The following FABP5 variants were observed in gnomAD, a reference collection of about 807,000 sequenced individuals.
FABP5 encodes fatty acid-binding protein 5.
A neutral mutation model predicts 16.9 loss-of-function variants in FABP5; 7 were observed. That is an observed-to-expected ratio of 0.41 (90% CI 0.24 to 0.78). The LOEUF (loss-of-function observed/expected upper bound fraction) is 0.78, where lower values mean the gene tolerates loss of function less well. Ranked by LOEUF, FABP5 falls within the 30% of genes least tolerant of loss-of-function variation. FABP5 has a pLI of 0.30. For synonymous variants in FABP5, 37 were observed against 52.8 expected (o/e 0.70, Z 1.30); for missense variants, 119 against 159.5 (o/e 0.75, Z 1.37).
rs1308689851 is a variant in FABP5 at position 81,281,905 on chromosome 8, T to C, written c.79+1231T>C. Among the ~76,000 whole-genome samples the C allele has an allele frequency of 6.6e-6, 1 of 152,118 alleles. No individual in the cohort carries two copies. Among genetic ancestry groups the C allele is most frequent in the East Asian group, 1.9e-4 (1 of 5,172 alleles). ...TTTATGAGGGTGCTTCAGAAGCCGG[T>C]ATCCACAAATGTTAACCCGGTTGCT... On this transcript the variant is annotated intron_variant, in intron 1 of 3. Coordinates refer to ENST00000297258, the MANE Select transcript of FABP5 (RefSeq NM_001444.3). This position sits in a 1 kb window ranked among gnomAD's most constrained non-coding sequence, Gnocchi z 4.5.
intron 3 of FABP5, 173 bp downstream of exon 3, chr8:81,284,147 G>GTGACA (rs1299018046): frequency 5.1e-6 from 3 of 588,760 alleles, no homozygotes; most frequent in Non-Finnish European, 8.9e-6. Flanking sequence ...AGATAGAGAA[G>GTGACA]TGACATGACA....
intron 1 of FABP5, among the ~76,000 whole-genome samples, chr8:81,282,533 A>G (rs1807847483): frequency 6.6e-6 from 1 of 152,206 alleles, no homozygotes; most frequent in African/African-American, 2.4e-5. Flanking sequence ...TTTGGCCTGG[A>G]TCTAAGATTC....
chr8:81,281,789 C>G lies in FABP5; in HGVS notation c.79+1115C>G, dbSNP rs970382335. On this transcript the variant is annotated intron_variant, in intron 1 of 3. Transcript: ENST00000297258. This position sits in a 1 kb window ranked among gnomAD's most constrained non-coding sequence, Gnocchi z 4.5. ...GGATAAATTGCAAACAAAAATGGAC[C>G]TTTGTCACAGGCCACTAGGAAGTGA... 4 of 542,660 alleles carry G rather than the reference C, an allele frequency of 7.4e-6. No individual in the cohort carries two copies. Among genetic ancestry groups the G allele is most frequent in the East Asian group, 1.5e-4 (1 of 6,782 alleles). 33.6% of individuals were successfully genotyped at this position (542,660 alleles called of 1,614,324 possible).
At chr8:81,283,133 C>T (rs1807860599) in intron 1 of FABP5, 1 of 377,118 alleles carries the variant, frequency 2.7e-6, no homozygotes, top group Admixed American at 4.6e-5. Context: ...GCTTTCTCAT[C>T]AGTAAAATGG....
chr8:81,280,742 G>A lies in FABP5; in HGVS notation c.79+68G>A, dbSNP rs1807813372. ...TGCGGTCGTCTGTCCCTAGGTCCCC[G>A]TCAGCGTGCCAGATTCTGGGGCAGG... On this transcript the variant is annotated intron_variant, in intron 1 of 3. Coordinates refer to ENST00000297258, the MANE Select transcript of FABP5 (RefSeq NM_001444.3). The A allele has an allele frequency of 4.9e-6, 7 of 1,418,342 alleles. No homozygotes were observed. In the South Asian group the frequency reaches 6.2e-5, roughly 13 times the overall value. The allele number at this position is 1,418,342 out of a possible 1,614,324, so 87.9% of individuals were successfully genotyped here.
intron 1 of FABP5, 32 bp from the exon 2 acceptor site, chr8:81,283,333 TC>T: frequency 6.5e-7 from 1 of 1,531,002 alleles, no homozygotes; most frequent in Non-Finnish European, 8.8e-7. Context: ...ACTTTGGTCT[TC>T]CTGTTATTTA....
In FABP5 at chr8:81,281,029, C is replaced by CT; in HGVS notation, c.79+358dup. 4.3e-6 allele frequency: 1 copy of CT among 233,180 alleles called. No homozygotes were observed. Among genetic ancestry groups the CT allele is most frequent in the South Asian group, 7.7e-5 (1 of 12,914 alleles). The allele number at this position is 233,180 out of a possible 1,614,324, so 14.4% of individuals were successfully genotyped here. A position where few individuals can be genotyped will look rare whatever the true frequency, so the allele number is the denominator to read the frequency against. ...GCACCCGTCACCTCACGCTGCACTT[C>CT]TTTCGACCCCCTCCAGGCGACCCTG... is the stretch of plus-strand genomic sequence containing the variant. On this transcript the variant is annotated intron_variant, in intron 1 of 3. Transcript: ENST00000297258. The surrounding 1 kb of genome is among the most constrained non-coding windows in gnomAD (Gnocchi z 4.5).
intron 3 of FABP5, 51 bp from the exon 4 acceptor site, chr8:81,284,463 C>G (rs899241408): frequency 1.6e-6 from 2 of 1,239,786 alleles, no homozygotes; most frequent in African/African-American, 3.0e-5. Flanking sequence ...ACCACCACTG[C>G]TCTGGAATCT....
rs763394711 is a variant in FABP5, at chr8:81,283,883, A to G, written c.263A>G (p.Asn88Ser). Residue 88 changes from asparagine (N) to serine (S), a missense_variant, in exon 3 of 4, where the codon AAC (asparagine) becomes AGC (serine). Coordinates refer to ENST00000297258, the MANE Select transcript of FABP5 (RefSeq NM_001444.3). Reference sequence around the variant, plus strand: ...ACTTTGTTTTTGCAGACTGTCTGCAACTTTACAGATGGTGCATTGGTTCAG... The same window carrying G: ...ACTTTGTTTTTGCAGACTGTCTGCAGCTTTACAGATGGTGCATTGGTTCAG... ...ADGRKTQTVC[N>S]FTDGALVQHQ... 2.5e-5 allele frequency: 41 copies of G among 1,611,702 alleles called. No individual in the cohort carries two copies. Among genetic ancestry groups the G allele is most frequent in the Non-Finnish European group, 3.4e-5 (40 of 1,178,868 alleles).
In FABP5 at chr8:81,284,294, A is replaced by G. The variant is rs926937796; in HGVS notation, c.355-220A>G. Reference sequence around the variant, plus strand: ...GAATATTTGCCATAACCAAAAGAATAAAGATATATTCAACACATTAGTTTT... The same window carrying G: ...GAATATTTGCCATAACCAAAAGAATGAAGATATATTCAACACATTAGTTTT... On this transcript the variant is annotated intron_variant, in intron 3 of 3. Coordinates refer to ENST00000297258, the MANE Select transcript of FABP5 (RefSeq NM_001444.3). 3 of 535,860 alleles carry G rather than the reference A, an allele frequency of 5.6e-6. No homozygotes were observed. The Admixed American group carries it at 1.0e-4, about 18-fold the overall frequency. The allele number at this position is 535,860 out of a possible 1,614,324, so 33.2% of individuals were successfully genotyped here. A position where few individuals can be genotyped will look rare whatever the true frequency, so the allele number is the denominator to read the frequency against.
rs1278359560 is a variant in FABP5 at position 81,281,568 on chromosome 8, A to G, written c.79+894A>G. 7.1e-6 allele frequency: 7 copies of G among 985,600 alleles called. No individual in the cohort carries two copies. The highest frequency in any genetic ancestry group is 8.4e-6 in the Non-Finnish European group (7 of 830,152). The allele number at this position is 985,600 out of a possible 1,614,324, so 61.1% of individuals were successfully genotyped here. A position where few individuals can be genotyped will look rare whatever the true frequency, so the allele number is the denominator to read the frequency against. On this transcript the variant is annotated intron_variant, in intron 1 of 3. Transcript: ENST00000297258. This position sits in a 1 kb window ranked among gnomAD's most constrained non-coding sequence, Gnocchi z 4.5. ...GTGGGCTTTGCTGGAAAACCGTAACAGAAACTGCCTGGCCCTCCTGCGGCT... is the reference window on the plus strand; with the variant it reads ...GTGGGCTTTGCTGGAAAACCGTAACGGAAACTGCCTGGCCCTCCTGCGGCT...
In FABP5 at chr8:81,281,782, A is replaced by G. The variant is rs1021164184; in HGVS notation, c.79+1108A>G. ...AGACACTGGATAAATTGCAAACAAA[A>G]ATGGACCTTTGTCACAGGCCACTAG... is the stretch of plus-strand genomic sequence containing the variant. On this transcript the variant is annotated intron_variant, in intron 1 of 3. Coordinates refer to ENST00000297258, the MANE Select transcript of FABP5 (RefSeq NM_001444.3). The surrounding 1 kb of genome is among the most constrained non-coding windows in gnomAD (Gnocchi z 4.5). The G allele has an allele frequency of 3.1e-5, 20 of 636,192 alleles. No individual in the cohort carries two copies. Among genetic ancestry groups the G allele is most frequent in the Non-Finnish European group, 3.7e-5 (19 of 511,142 alleles). The allele number at this position is 636,192 out of a possible 1,614,324, so 39.4% of individuals were successfully genotyped here. A position where few individuals can be genotyped will look rare whatever the true frequency, so the allele number is the denominator to read the frequency against.
At chr8:81,284,175 G>C in intron 3 of FABP5, 1 of 551,908 alleles carries the variant, frequency 1.8e-6, no homozygotes, top group Non-Finnish European at 3.2e-6. Context: ...GGATTTGGCT[G>C]GAGTTGGGGG....
intron 3 of FABP5, 190 bp from the exon 4 acceptor site, chr8:81,284,324 A>G (rs1807879194): frequency 3.6e-6 from 2 of 554,702 alleles, no homozygotes; most frequent in African/African-American, 1.9e-5. Flanking sequence ...AGTTTTCTGT[A>G]AAACATGCAT....
intron 3 of FABP5, chr8:81,284,224 G>A (rs537858815): frequency 3.7e-6 from 2 of 539,446 alleles, no homozygotes; most frequent in Non-Finnish European, 6.5e-6. Context: ...TGAAATCTTG[G>A]CAAGCCACCA....
intron 1 of FABP5, among the ~76,000 whole-genome samples, chr8:81,282,632 AAATAT>A (rs1807849787): frequency 6.6e-6 from 1 of 152,188 alleles, no homozygotes; most frequent in Non-Finnish European, 1.5e-5. Flanking sequence ...TCATAAATTA[AAATAT>A]AATTTAATAT....
At position 81,281,384 on chromosome 8, in the gene FABP5, G is replaced by T. The variant is rs1166205272; in HGVS notation, c.79+710G>T. Reference sequence around the variant, plus strand: ...TACCCCATGGAACACCAGGGCCCCCGAGAAGCGTGGCGCTGGCGGTGCCGA... The same window carrying T: ...TACCCCATGGAACACCAGGGCCCCCTAGAAGCGTGGCGCTGGCGGTGCCGA... On this transcript the variant is annotated intron_variant, in intron 1 of 3. Coordinates refer to ENST00000297258, the MANE Select transcript of FABP5 (RefSeq NM_001444.3). The surrounding 1 kb of genome is among the most constrained non-coding windows in gnomAD (Gnocchi z 4.5). 2 of 985,724 alleles carry T rather than the reference G, an allele frequency of 2.0e-6. No homozygotes were observed. Among genetic ancestry groups the T allele is most frequent in the East Asian group, 2.3e-4 (2 of 8,804 alleles). The allele number at this position is 985,724 out of a possible 1,614,324, so 61.1% of individuals were successfully genotyped here.
Position 81,283,447 on chromosome 8 carries a change from TA to T in FABP5, c.166del (p.Thr56LeufsTer5). 2.5e-6 allele frequency: 4 copies of T among 1,612,926 alleles called. No homozygotes were observed. The highest frequency in any genetic ancestry group is 3.4e-6 in the Non-Finnish European group (4 of 1,179,410). On this transcript the variant is annotated frameshift_variant, in exon 2 of 4. Transcript: ENST00000297258. LOFTEE classifies it high-confidence loss of function. ...IITCDGKNLT[I>X]KTESTLKTTQ... ...ACTTGTGATGGTAAAAACCTCACCA[TA>T]AAAACTGAGAGCACTTTGAAAACAA...
At chr8:81,283,305 T>C (rs1169344097) in intron 1 of FABP5, 61 bp from the exon 2 acceptor site, 5 of 1,342,360 alleles carry the variant, frequency 3.7e-6, no homozygotes, top group Non-Finnish European at 5.1e-6. Context: ...AATTATTGCT[T>C]TTATCATGTA....
Sources: allele counts gnomAD v4.1 joint callset (sites outside exome capture counted in the v4.1 genomes callset), GRCh38; gene constraint gnomAD v4.1.1; non-coding constraint Gnocchi (gnomAD v3.1); transcripts MANE v1.5; gene names NCBI Gene and HGNC (gene_info 2026-07-23, HGNC 2026-07-21).